GPC6: variants seen among roughly 807,000 people sequenced by gnomAD.
The protein encoded by GPC6 is glypican 6.
A neutral mutation model predicts 55.2 loss-of-function variants in GPC6; 14 were observed. That is an observed-to-expected ratio of 0.25 (90% CI 0.17 to 0.40). GPC6 has a LOEUF of 0.40. Ranked by LOEUF, GPC6 falls within the 10% of genes least tolerant of loss-of-function variation. The pLI is 1.00. For synonymous variants in GPC6, 278 were observed against 259.6 expected (o/e 1.07, Z -0.68); for missense variants, 641 against 708.5 (o/e 0.90, Z 1.08).
intron 2 of GPC6, among the ~76,000 whole-genome samples, chr13:93,614,250 C>T (rs770124717): frequency 2.2e-4 from 33 of 152,104 alleles, no homozygotes; most frequent in East Asian, 7.7e-4. Context: ...AATGACAATA[C>T]GCTAGGCCAT....
chr13:94,236,650 G>A (rs2139019842), intron 4 of GPC6, among the ~76,000 whole-genome samples: 1 of 152,254 alleles, frequency 6.6e-6, no homozygotes, highest in East Asian at 1.9e-4. Flanking sequence ...CTTTGAGCTG[G>A]TTATTTAAAG....
chr13:93,830,728 G>A (rs553440377), intron 3 of GPC6, 183 bp downstream of exon 3: 1 of 616,514 alleles, frequency 1.6e-6, no homozygotes, highest in African/African-American at 1.9e-5. Context: ...TGCATTGTGT[G>A]AGAGAGAACA....
intron 2 of GPC6, among the ~76,000 whole-genome samples, chr13:93,740,608 A>T (rs1413523911): frequency 6.6e-6 from 1 of 152,230 alleles, no homozygotes; most frequent in Non-Finnish European, 1.5e-5. Flanking sequence ...CATTTGCTAA[A>T]CAATGCAAAT....
chr13:93,997,333 C>T (rs1241577883), intron 3 of GPC6, among the ~76,000 whole-genome samples: 2 of 152,164 alleles, frequency 1.3e-5, no homozygotes, highest in Admixed American at 1.3e-4. Context: ...CCAAGTTCTT[C>T]TCTTTGGTAG....
At chr13:93,329,669 T>C (rs1594100252) in intron 1 of GPC6, among the ~76,000 whole-genome samples, 1 of 152,162 alleles carries the variant, frequency 6.6e-6, no homozygotes, top group Non-Finnish European at 1.5e-5. Context: ...GAGTATGCTG[T>C]TGATGTTTTT....
chr13:93,685,150 G>A (rs752455643), intron 2 of GPC6, among the ~76,000 whole-genome samples: 1 of 152,166 alleles, frequency 6.6e-6, no homozygotes, highest in African/African-American at 2.4e-5. Flanking sequence ...TCTTTCATTT[G>A]AGAGTACCAG....
At chr13:93,342,607 C>T (rs1880298460) in intron 1 of GPC6, among the ~76,000 whole-genome samples, 1 of 152,142 alleles carries the variant, frequency 6.6e-6, no homozygotes, top group Admixed American at 6.5e-5. Context: ...ACAGCCAAAC[C>T]TTACCAATAG....
intron 5 of GPC6, 115 bp downstream of exon 5, chr13:94,286,594 C>T: frequency 1.1e-6 from 1 of 908,242 alleles, no homozygotes; most frequent in Non-Finnish European, 1.7e-6. Flanking sequence ...ATGCTGTCAG[C>T]GAGCTTTTCC....
chr13:94,266,160 T>G (rs868143042), intron 4 of GPC6, among the ~76,000 whole-genome samples: 100 of 148,190 alleles, frequency 6.7e-4, no homozygotes, highest in African/African-American at 1.7e-3. Flanking sequence ...TCTTTTTTTT[T>G]TTTGTTTGTT....
intron 1 of GPC6, among the ~76,000 whole-genome samples, chr13:93,368,560 T>C (rs1881343685): frequency 6.6e-6 from 1 of 152,020 alleles, no homozygotes; most frequent in African/African-American, 2.4e-5. Flanking sequence ...TGGTCTTTCC[T>C]CAGACCTCTA....
intron 4 of GPC6, among the ~76,000 whole-genome samples, chr13:94,245,036 ACATAGTCT>A (rs769776389): frequency 3.0e-4 from 45 of 152,190 alleles, no homozygotes; most frequent in Non-Finnish European, 5.1e-4. Flanking sequence ...GTGTGTGCAG[ACATAGTCT>A]CCTCATTTAG....
At chr13:94,187,638 A>G (rs928698118) in intron 4 of GPC6, among the ~76,000 whole-genome samples, 3 of 152,224 alleles carry the variant, frequency 2.0e-5, no homozygotes, top group African/African-American at 4.8e-5. Flanking sequence ...AGTGTCCACT[A>G]TCGGGCAAAC....
chr13:94,280,729 G>C (rs1183109036), intron 4 of GPC6, among the ~76,000 whole-genome samples: 2 of 151,986 alleles, frequency 1.3e-5, no homozygotes, highest in East Asian at 3.9e-4. Flanking sequence ...AAATATCTTG[G>C]TTAAGCTAAA....
In GPC6 at chr13:93,868,318, CTATAT is replaced by C. The variant is rs1027852710; in HGVS notation, c.711+37778_711+37782del. On this transcript the variant is annotated intron_variant, in intron 3 of 8. Transcript: ENST00000377047. ...GGATAAGACCCTCAATCCTAATAGC[CTATAT>C]TATAAGTGTTAACATTTCTGTCTAT... Among the ~76,000 whole-genome samples the C allele has an allele frequency of 3.3e-5, 5 of 151,696 alleles. No individual in the cohort carries two copies. In the South Asian group the frequency reaches 6.2e-4, roughly 19 times the overall value.
chr13:93,562,565 T>C (rs925275020), intron 2 of GPC6, among the ~76,000 whole-genome samples: 5 of 152,166 alleles, frequency 3.3e-5, no homozygotes, highest in Non-Finnish European at 7.3e-5. Flanking sequence ...AAGCACTTAT[T>C]ATCATCTTTG....
At chr13:93,702,243 C>T (rs1882694945) in intron 2 of GPC6, among the ~76,000 whole-genome samples, 1 of 151,976 alleles carries the variant, frequency 6.6e-6, no homozygotes. Context: ...ACCAGAGCTC[C>T]TGGGTAACTA....
At chr13:94,037,008 T>G (rs996939938) in intron 4 of GPC6, among the ~76,000 whole-genome samples, 4 of 152,024 alleles carry the variant, frequency 2.6e-5, no homozygotes, top group African/African-American at 4.8e-5. Context: ...CAAACTCTTC[T>G]GAGTTGAACA....
intron 2 of GPC6, among the ~76,000 whole-genome samples, chr13:93,624,929 G>T (rs1308243413): frequency 1.3e-5 from 2 of 152,170 alleles, no homozygotes; most frequent in African/African-American, 4.8e-5. Context: ...AAATAGCTAG[G>T]AAATATGTGG....
At chr13:93,267,841 G>C (rs942920203) in intron 1 of GPC6, among the ~76,000 whole-genome samples, 6 of 151,998 alleles carry the variant, frequency 3.9e-5, no homozygotes, top group African/African-American at 1.4e-4. Flanking sequence ...TATTTTTTTA[G>C]GGACAGATGA....
Sources: gnomAD v4.1 joint callset for allele counts (sites outside exome capture counted in the v4.1 genomes callset) on GRCh38, gnomAD v4.1.1 for gene constraint, MANE v1.5 for transcripts, NCBI Gene and HGNC (gene_info 2026-07-23, HGNC 2026-07-21) for gene names.